Variants in CTNND2 observed in about 807,000 individuals in gnomAD.
The protein encoded by CTNND2 is catenin delta-2.
A neutral mutation model predicts 144.4 loss-of-function variants in CTNND2; 22 were observed. The ratio of observed to expected loss-of-function variants is 0.15; its 90% CI spans 0.11 to 0.22. CTNND2 has a LOEUF of 0.22. Among genes scored for constraint, CTNND2 ranks in the 10% least tolerant of loss-of-function variants. The probability of loss-of-function intolerance (pLI) is 1.00; values close to 1 mark genes in which losing one functional copy is unlikely to be tolerated. For missense variants in CTNND2, 1,353 were observed against 1,618.8 expected, an observed-to-expected ratio of 0.84 and a Z score of 2.82; for synonymous variants, 751 against 695.6, an observed-to-expected ratio of 1.08 and a Z score of -1.25.
intron 9 of CTNND2, among the ~76,000 whole-genome samples, chr5:11,302,040 T>G (rs28210): frequency 6.6e-6 from 1 of 152,164 alleles, no homozygotes; most frequent in South Asian, 2.1e-4. Context: ...TGGCACACCA[T>G]GAGCTGGAGC....
At chr5:11,568,605 T>C (rs1777313139) in intron 2 of CTNND2, among the ~76,000 whole-genome samples, 1 of 152,204 alleles carries the variant, frequency 6.6e-6, no homozygotes, top group Admixed American at 6.5e-5. Context: ...TTAATTTTTC[T>C]CCTTGGTATA....
intron 10 of CTNND2, among the ~76,000 whole-genome samples, chr5:11,218,822 G>A (rs555386836): frequency 6.6e-6 from 1 of 152,282 alleles, no homozygotes; most frequent in South Asian, 2.1e-4. Flanking sequence ...GATGTCACCA[G>A]TCCCTTCCCA....
intron 12 of CTNND2, among the ~76,000 whole-genome samples, chr5:11,135,900 A>G (rs1479633604): frequency 6.6e-6 from 1 of 152,212 alleles, no homozygotes; most frequent in Non-Finnish European, 1.5e-5. Flanking sequence ...TCATGGTGGT[A>G]GGTGGAGATA....
intron 1 of CTNND2, among the ~76,000 whole-genome samples, chr5:11,808,606 T>C (rs2126902915): frequency 6.6e-6 from 1 of 152,326 alleles, no homozygotes; most frequent in Non-Finnish European, 1.5e-5. Flanking sequence ...TATTTTCCCC[T>C]TCTAGTTGGT....
intron 3 of CTNND2, among the ~76,000 whole-genome samples, chr5:11,453,308 A>AT (rs1208233565): frequency 1.3e-5 from 2 of 152,184 alleles, no homozygotes; most frequent in East Asian, 3.9e-4. Context: ...TAAGACTAAA[A>AT]TCCATGTTAT....
chr5:11,083,827 C>A, intron 15 of CTNND2: 1 of 984,104 alleles, frequency 1.0e-6, no homozygotes. Context: ...CCCCACCAGG[C>A]CACCTCCACC....
At chr5:11,725,478 G>T (rs995638882) in intron 2 of CTNND2, among the ~76,000 whole-genome samples, 4 of 152,066 alleles carry the variant, frequency 2.6e-5, no homozygotes, top group African/African-American at 9.7e-5. Context: ...GACTGGCAGA[G>T]AATACTATCT....
chr5:11,717,393 G>A (rs956393958), intron 2 of CTNND2, among the ~76,000 whole-genome samples: 2 of 151,098 alleles, frequency 1.3e-5, no homozygotes, highest in African/African-American at 4.9e-5. Flanking sequence ...GGCCAACATG[G>A]TGAAGCCCCA....
chr5:11,763,405 T>C (rs1429776888), intron 1 of CTNND2, among the ~76,000 whole-genome samples: 9 of 152,202 alleles, frequency 5.9e-5, no homozygotes, highest in Non-Finnish European at 1.5e-5. Context: ...CCTATGACAG[T>C]AAGTCAATGG....
At chr5:11,031,892 T>C (rs1743515753) in intron 16 of CTNND2, among the ~76,000 whole-genome samples, 1 of 152,254 alleles carries the variant, frequency 6.6e-6, no homozygotes, top group African/African-American at 2.4e-5. Context: ...GGCCACAGAC[T>C]GAAGGCTGCA....
chr5:11,505,613 CT>C (rs1261938579), intron 3 of CTNND2, among the ~76,000 whole-genome samples: 3 of 152,158 alleles, frequency 2.0e-5, no homozygotes, highest in Non-Finnish European at 4.4e-5. Context: ...ACCAAAAATC[CT>C]AAGGCAGAAA....
chr5:11,867,260 G>T (rs1446554643), intron 1 of CTNND2, among the ~76,000 whole-genome samples: 1 of 152,174 alleles, frequency 6.6e-6, no homozygotes, highest in East Asian at 1.9e-4. Context: ...CAGGAAAATT[G>T]CCCTTTGCTC....
intron 9 of CTNND2, among the ~76,000 whole-genome samples, chr5:11,292,559 T>C (rs1261837927): frequency 6.6e-6 from 1 of 152,094 alleles, no homozygotes; most frequent in Non-Finnish European, 1.5e-5. Flanking sequence ...GATTTGATGG[T>C]TTTATAAGTG....
intron 1 of CTNND2, among the ~76,000 whole-genome samples, chr5:11,779,861 G>A (rs184613439): frequency 5.3e-5 from 8 of 152,280 alleles, no homozygotes; most frequent in African/African-American, 1.9e-4. Flanking sequence ...GTTGTCCATT[G>A]TAAGAGTCCA....
chr5:11,666,839 A>T, intron 2 of CTNND2, among the ~76,000 whole-genome samples: 1 of 152,104 alleles, frequency 6.6e-6, no homozygotes, highest in East Asian at 1.9e-4. Context: ...TTAAATAGGT[A>T]TACATGTGCC....
intron 11 of CTNND2, among the ~76,000 whole-genome samples, chr5:11,166,952 G>A (rs1406760050): frequency 6.6e-6 from 1 of 152,160 alleles, no homozygotes; most frequent in Non-Finnish European, 1.5e-5. Context: ...TTTACCAAAT[G>A]TTGCTGTAAT....
intron 9 of CTNND2, among the ~76,000 whole-genome samples, chr5:11,268,924 G>T (rs1277661075): frequency 6.6e-6 from 1 of 152,138 alleles, no homozygotes; most frequent in Non-Finnish European, 1.5e-5. Flanking sequence ...TTCTCATAGC[G>T]GTCTGAAGAG....
At chr5:11,623,022 C>A (rs1780930028) in intron 2 of CTNND2, among the ~76,000 whole-genome samples, 1 of 152,056 alleles carries the variant, frequency 6.6e-6, no homozygotes, top group Admixed American at 6.6e-5. Flanking sequence ...AATTTACTGG[C>A]AAACTGTTCC....
intron 2 of CTNND2, among the ~76,000 whole-genome samples, chr5:11,576,042 C>G (rs1777949186): frequency 6.6e-6 from 1 of 152,108 alleles, no homozygotes; most frequent in Non-Finnish European, 1.5e-5. Flanking sequence ...ATCATTTGCC[C>G]AAGTTGCCTG....
Sources: allele counts gnomAD v4.1 joint callset (sites outside exome capture counted in the v4.1 genomes callset), GRCh38; gene constraint gnomAD v4.1.1; transcripts MANE v1.5; gene names NCBI Gene and HGNC (gene_info 2026-07-23, HGNC 2026-07-21).